The following CHN2 variants were observed in gnomAD, a reference collection of about 807,000 sequenced individuals.
The protein encoded by CHN2 is beta-chimaerin.
In CHN2, 35 loss-of-function variants were observed where a neutral mutation model predicts 56.3. That is an observed-to-expected ratio of 0.62 (90% confidence interval 0.47 to 0.82). The LOEUF is 0.82. Among genes scored for constraint, CHN2 ranks in the 40% least tolerant of loss-of-function variants. The pLI, the probability that CHN2 is intolerant of heterozygous loss-of-function variation, is 0.00. For missense variants in CHN2, 491 were observed against 580.5 expected (o/e 0.85, Z 1.58); for synonymous variants, 210 against 212.8 (o/e 0.99, Z 0.12).
chr7:29,344,722 G>A (rs926016856), intron 1 of CHN2, among the ~76,000 whole-genome samples: 1 of 152,000 alleles, frequency 6.6e-6, no homozygotes, highest in Non-Finnish European at 1.5e-5. Flanking sequence ...GGGACTTTAG[G>A]CCTTGCTCTT....
chr7:29,495,342 C>T (rs1215086281), intron 7 of CHN2, among the ~76,000 whole-genome samples: 1 of 152,180 alleles, frequency 6.6e-6, no homozygotes, highest in Admixed American at 6.5e-5. Context: ...GAAAGATTTT[C>T]AGCTTACTTA....
At chr7:29,482,188 G>C (rs1157206875) in intron 7 of CHN2, among the ~76,000 whole-genome samples, 2 of 152,198 alleles carry the variant, frequency 1.3e-5, no homozygotes, top group Non-Finnish European at 2.9e-5. Flanking sequence ...AAGAAGAAAA[G>C]GCACAAAATA....
intron 1 of CHN2, among the ~76,000 whole-genome samples, chr7:29,263,524 G>A (rs1789764996): frequency 6.6e-6 from 1 of 151,258 alleles, no homozygotes; most frequent in Non-Finnish European, 1.5e-5. Context: ...CTGCCTGGCC[G>A]CCCAGTCCGG....
intron 1 of CHN2, among the ~76,000 whole-genome samples, chr7:29,290,837 T>C (rs1792544668): frequency 6.6e-6 from 1 of 151,968 alleles, no homozygotes; most frequent in East Asian, 1.9e-4. Flanking sequence ...CAATGCAAGT[T>C]TTAGAGCGAG....
chr7:29,198,306 A>G (rs1234609428), intron 1 of CHN2, among the ~76,000 whole-genome samples: 1 of 152,204 alleles, frequency 6.6e-6, no homozygotes, highest in Non-Finnish European at 1.5e-5. Context: ...AAGATCTAAT[A>G]ATTTGCTCAG....
chr7:29,357,153 G>C (rs961464310), intron 2 of CHN2, among the ~76,000 whole-genome samples: 1 of 152,184 alleles, frequency 6.6e-6, no homozygotes, highest in Non-Finnish European at 1.5e-5. Flanking sequence ...TTCTGTATTA[G>C]TTTTAAGTTT....
At chr7:29,410,615 G>A (rs1803115825) in intron 6 of CHN2, among the ~76,000 whole-genome samples, 1 of 151,978 alleles carries the variant, frequency 6.6e-6, no homozygotes, top group Non-Finnish European at 1.5e-5. Flanking sequence ...GTTGAGTATG[G>A]GATGTGAGAT....
At chr7:29,482,109 G>T (rs1276009418) in intron 7 of CHN2, among the ~76,000 whole-genome samples, 1 of 152,028 alleles carries the variant, frequency 6.6e-6, no homozygotes, top group Non-Finnish European at 1.5e-5. Flanking sequence ...CTTATCACTG[G>T]AAAACACCAG....
intron 2 of CHN2, among the ~76,000 whole-genome samples, chr7:29,171,842 C>T (rs967279917): frequency 6.6e-6 from 1 of 152,170 alleles, no homozygotes; most frequent in Non-Finnish European, 1.5e-5. Flanking sequence ...GTAGCTGAAG[C>T]TTTCAAGCAT....
intron 8 of CHN2, among the ~76,000 whole-genome samples, chr7:29,496,948 C>G (rs10233803): frequency 6.6e-6 from 1 of 151,994 alleles, no homozygotes; most frequent in African/African-American, 2.4e-5. Context: ...TTAAAAATCT[C>G]AGGAGCATTT....
chr7:29,411,161 T>A (rs1803172208), intron 6 of CHN2, among the ~76,000 whole-genome samples: 1 of 152,188 alleles, frequency 6.6e-6, no homozygotes, highest in Non-Finnish European at 1.5e-5. Context: ...CAGGAAACAG[T>A]TCTGCAGGTG....
At chr7:29,418,115 G>A (rs1402934411) in intron 6 of CHN2, among the ~76,000 whole-genome samples, 3 of 152,258 alleles carry the variant, frequency 2.0e-5, no homozygotes, top group African/African-American at 7.2e-5. Context: ...CTATTTCCAA[G>A]ACAAAATGAG....
intron 6 of CHN2, among the ~76,000 whole-genome samples, chr7:29,448,516 C>A (rs551404681): frequency 6.6e-6 from 1 of 152,296 alleles, no homozygotes; most frequent in South Asian, 2.1e-4. Flanking sequence ...TACCCCACCC[C>A]AAGCTTTTAG....
rs182962596 is a variant in CHN2 at position 29,411,337 on chromosome 7, G to A, written c.576+10509G>A. On this transcript the variant is annotated intron_variant, in intron 6 of 12. Transcript: ENST00000222792. Reference sequence around the variant, plus strand: ...CCTATTATTTTCCTTCTTTGGCCTCGTACTGGGTATCACCCTCTTTGTTAC... The same window carrying A: ...CCTATTATTTTCCTTCTTTGGCCTCATACTGGGTATCACCCTCTTTGTTAC... 2.4e-3 allele frequency among the ~76,000 whole-genome samples: 364 copies of A among 152,268 alleles called. 12 individuals are homozygous for A. The South Asian group carries it at 0.053, about 22-fold the overall frequency.
intron 1 of CHN2, among the ~76,000 whole-genome samples, chr7:29,303,012 C>T (rs1793823932): frequency 6.6e-6 from 1 of 152,148 alleles, no homozygotes; most frequent in Admixed American, 6.5e-5. Context: ...GTGACAGATC[C>T]CGGTCCCGCC....
At position 29,512,872 on chromosome 7, in the gene CHN2, G is replaced by A; in HGVS notation, c.*137G>A. On this transcript the variant is annotated 3_prime_UTR_variant, in exon 13 of 13. Coordinates refer to ENST00000222792, the MANE Select transcript of CHN2 (RefSeq NM_004067.4). The stretch of plus-strand genomic sequence containing the variant: ...CCTGGACTGCAGAGGATCGCTGAGT[G>A]GGGTACTGTGTCTCATAGACATGCG... 1 of 923,040 alleles carries A rather than the reference G, an allele frequency of 1.1e-6. No homozygotes were observed. Among genetic ancestry groups the A allele is most frequent in the Non-Finnish European group, 1.6e-6 (1 of 621,758 alleles). 57.2% of individuals were successfully genotyped at this position (923,040 alleles called of 1,614,324 possible).
At chr7:29,184,151 T>TGATAGATAGATAGATAGATA (rs56102038) in intron 2 of CHN2, among the ~76,000 whole-genome samples, 4 of 143,322 alleles carry the variant, frequency 2.8e-5, no homozygotes, top group South Asian at 2.3e-4. Context: ...TACAGATAGA[T>TGATAGATAGATAGATAGATA]GATAGATAGA....
At chr7:29,326,280 C>T (rs1795797481) in intron 1 of CHN2, among the ~76,000 whole-genome samples, 1 of 152,154 alleles carries the variant, frequency 6.6e-6, no homozygotes, top group African/African-American at 2.4e-5. Context: ...GCCTCAGCCT[C>T]CCGAGTAGCT....
chr7:29,269,806 C>T (rs114044404), intron 1 of CHN2, among the ~76,000 whole-genome samples: 1 of 152,200 alleles, frequency 6.6e-6, no homozygotes, highest in South Asian at 2.1e-4. Flanking sequence ...GGGCTGGGAA[C>T]GGTGTGGCTC....
Sources: allele counts gnomAD v4.1 joint callset (sites outside exome capture counted in the v4.1 genomes callset), GRCh38; gene constraint gnomAD v4.1.1; transcripts MANE v1.5; gene names NCBI Gene and HGNC (gene_info 2026-07-23, HGNC 2026-07-21).